SEMA4D: variants seen among roughly 807,000 people sequenced by gnomAD.
The protein encoded by SEMA4D is semaphorin 4D, also known as semaphorin-4D.
Under a neutral mutation model 74.8 loss-of-function variants are expected in SEMA4D, and 22 were observed. The ratio of observed to expected loss-of-function variants is 0.29; its 90% CI spans 0.21 to 0.42. The LOEUF (loss-of-function observed/expected upper bound fraction) is 0.42, where lower values mean the gene tolerates loss of function less well. Among genes scored for constraint, SEMA4D ranks in the 10% least tolerant of loss-of-function variants. The pLI, the probability that SEMA4D is intolerant of heterozygous loss-of-function variation, is 1.00. For missense variants in SEMA4D, 937 were observed against 1,118.4 expected, an observed-to-expected ratio of 0.84 and a Z score of 2.31; for synonymous variants, 445 against 463.7, an observed-to-expected ratio of 0.96 and a Z score of 0.52.
At chr9:89,421,327 A>G (rs56851841) in intron 2 of SEMA4D, among the ~76,000 whole-genome samples, 53 of 152,324 alleles carry the variant, frequency 3.5e-4, no homozygotes, top group African/African-American at 1.1e-3. Flanking sequence ...AGGCATGCAT[A>G]TTACAACACA....
intron 18 of SEMA4D, among the ~76,000 whole-genome samples, chr9:89,362,901 G>A (rs938779915): frequency 6.6e-6 from 1 of 152,192 alleles, no homozygotes; most frequent in African/African-American, 2.4e-5. Flanking sequence ...CTTTGTCTCC[G>A]TGGGGAGACA....
intron 2 of SEMA4D, among the ~76,000 whole-genome samples, chr9:89,429,077 A>C (rs1848701451): frequency 6.6e-6 from 1 of 152,210 alleles, no homozygotes; most frequent in Non-Finnish European, 1.5e-5. Context: ...AAGAGTGCGA[A>C]GAGTCAAGCA....
intron 2 of SEMA4D, among the ~76,000 whole-genome samples, chr9:89,431,049 C>T (rs1029460696): frequency 2.0e-5 from 3 of 152,228 alleles, no homozygotes; most frequent in African/African-American, 7.2e-5. Context: ...TTATAGCATG[C>T]TATGCCGGCA....
Position 89,483,693 on chromosome 9 carries a change from G to A in SEMA4D, c.-310+14226C>T, listed in dbSNP as rs563181380. ...GGGGGTGTCACAGATAGTTAAGGGC[G>A]GCTGTTATGAGCAAAACTTACTGGC... On this transcript the variant is annotated intron_variant, in intron 1 of 15. Coordinates refer to ENST00000422704, the MANE Select transcript of SEMA4D (RefSeq NM_001371194.2). 2.2e-4 allele frequency among the ~76,000 whole-genome samples: 22 copies of A among 101,564 alleles called. No individual in the cohort carries two copies. In the South Asian group the frequency reaches 5.9e-3, roughly 27 times the overall value. 66.6% of individuals were successfully genotyped at this position (101,564 alleles called of 152,430 possible). A position where few individuals can be genotyped will look rare whatever the true frequency, so the allele number is the denominator to read the frequency against.
intron 2 of SEMA4D, among the ~76,000 whole-genome samples, chr9:89,446,787 C>T (rs1390995146): frequency 6.6e-6 from 1 of 152,136 alleles, no homozygotes; most frequent in African/African-American, 2.4e-5. Context: ...CGGGGGAGGA[C>T]AGTGACTCCC....
At position 89,388,908 on chromosome 9, in the gene SEMA4D, T is replaced by C. The variant is rs1839179354; in HGVS notation, c.914A>G (p.Lys305Arg). The C allele has an allele frequency of 6.2e-7, 1 of 1,614,142 alleles. No individual in the cohort carries two copies. The highest frequency in any genetic ancestry group is 1.7e-5 in the Admixed American group (1 of 60,010). ...DVFVLRSPGL[K>R]VPVFYALFTP... ...GAAGAGTGCATAGAACACAGGCACC[T>C]TCAGGCCCGGGGACCTGAGCACGAA... The change falls in exon 10 of 16, where the codon AAG (lysine) becomes AGG (arginine). Residue 305 changes from lysine (K) to arginine (R), a missense_variant. By Grantham distance (26) the Lys-to-Arg change is conservative. Transcript: ENST00000422704.
At chr9:89,410,980 C>A (rs1396802674) in intron 2 of SEMA4D, among the ~76,000 whole-genome samples, 3 of 152,196 alleles carry the variant, frequency 2.0e-5, no homozygotes, top group Non-Finnish European at 4.4e-5. Flanking sequence ...AAATGTTTTA[C>A]CTCCCTCAGC....
chr9:89,364,122 C>T (rs939225627), intron 16 of SEMA4D: 10 of 1,400,218 alleles, frequency 7.1e-6, no homozygotes, highest in African/African-American at 1.4e-5. Flanking sequence ...CCATGGCCAG[C>T]GGGAGCCTTG....
chr9:89,404,932 A>G (rs151189745), intron 3 of SEMA4D, among the ~76,000 whole-genome samples: 1,111 of 70,962 alleles, frequency 0.016, 8 homozygotes, highest in African/African-American at 0.036. Context: ...TCCCCATCCC[A>G]TCGCCAGCCA....
exon 19 of SEMA4D, chr9:89,360,851 C>T (rs905218840): frequency 3.9e-5 from 6 of 152,200 alleles, no homozygotes; most frequent in African/African-American, 9.7e-5. Context: ...GAAATTCATC[C>T]TCATAACTCC....
chr9:89,377,043 G>A (rs1322437610), downstream of SEMA4D: 3 of 1,535,668 alleles, frequency 2.0e-6, no homozygotes, highest in East Asian at 2.5e-5. Context: ...AGGGGCTTAG[G>A]AGACGAGGCT....
At chr9:89,488,352 C>CTTTGTT (rs1825356109) in intron 1 of SEMA4D, among the ~76,000 whole-genome samples, 12 of 62,592 alleles carry the variant, frequency 1.9e-4, no homozygotes, top group Non-Finnish European at 2.5e-4. Context: ...GATCACAGAT[C>CTTTGTT]TTTTTTTTTT....
intron 2 of SEMA4D, among the ~76,000 whole-genome samples, chr9:89,419,352 C>T (rs1049227956): frequency 2.0e-5 from 3 of 152,302 alleles, no homozygotes; most frequent in South Asian, 2.1e-4. Flanking sequence ...CAGGACCTGA[C>T]ACCGACATTT....
At chr9:89,407,119 C>G (rs1843484999) in intron 2 of SEMA4D, among the ~76,000 whole-genome samples, 1 of 152,174 alleles carries the variant, frequency 6.6e-6, no homozygotes, top group African/African-American at 2.4e-5. Flanking sequence ...GCTTCCTGCC[C>G]CAGCATCCAT....
intron 17 of SEMA4D, chr9:89,363,692 T>C (rs1833116460): frequency 1.3e-6 from 2 of 1,596,764 alleles, no homozygotes; most frequent in Non-Finnish European, 1.7e-6. Flanking sequence ...TTGTAAATAG[T>C]GAAAAATTAC....
At chr9:89,370,767 GAT>G (rs1491485751) in intron 16 of SEMA4D, among the ~76,000 whole-genome samples, 2 of 140,898 alleles carry the variant, frequency 1.4e-5, no homozygotes, top group African/African-American at 2.6e-5. Flanking sequence ...TGAGGGGTGT[GAT>G]GTGTGTGTGG....
chr9:89,423,034 G>T (rs1255914330), intron 2 of SEMA4D, among the ~76,000 whole-genome samples: 1 of 152,120 alleles, frequency 6.6e-6, no homozygotes, highest in African/African-American at 2.4e-5. Flanking sequence ...CAGGCTGACA[G>T]GTTTGCTTCC....
intron 13 of SEMA4D, chr9:89,385,167 T>C (rs1289812542): frequency 5.6e-6 from 5 of 895,426 alleles, no homozygotes; most frequent in African/African-American, 1.8e-5. Flanking sequence ...TGTGCGGCCC[T>C]CCTCTTCCTA....
intron 2 of SEMA4D, among the ~76,000 whole-genome samples, chr9:89,431,081 G>A (rs1849178307): frequency 6.6e-6 from 1 of 152,240 alleles, no homozygotes; most frequent in Non-Finnish European, 1.5e-5. Context: ...ACAAGTCGAT[G>A]TTTATTGACA....
Sources: allele counts gnomAD v4.1 joint callset (sites outside exome capture counted in the v4.1 genomes callset), GRCh38; gene constraint gnomAD v4.1.1; transcripts MANE v1.5; gene names NCBI Gene and HGNC (gene_info 2026-07-23, HGNC 2026-07-21).